RPL27A: variants seen among roughly 807,000 people sequenced by gnomAD.
The protein encoded by RPL27A is ribosomal protein L27a.
For synonymous variants in RPL27A, 69 were observed against 68.3 expected, an observed-to-expected ratio of 1.01 and a Z score of -0.05; for missense variants, 118 against 189.4, an observed-to-expected ratio of 0.62 and a Z score of 2.21.
intron 3 of RPL27A, 43 bp from the exon 4 acceptor site, chr11:8,684,675 C>G (rs762738782): frequency 3.9e-6 from 6 of 1,556,104 alleles, no homozygotes; most frequent in Non-Finnish European, 8.9e-7. Flanking sequence ...AACATAGCAT[C>G]TTAATTGGAG....
intron 1 of RPL27A, 122 bp downstream of exon 1, chr11:8,682,938 T>G (rs2039513697): frequency 7.5e-7 from 1 of 1,339,502 alleles, no homozygotes; most frequent in African/African-American, 1.5e-5. Context: ...CATGGCCGCC[T>G]GCGGGGCAGG....
At chr11:8,684,978 T>G in intron 4 of RPL27A, 86 bp downstream of exon 4, 2 of 1,256,908 alleles carry the variant, frequency 1.6e-6, no homozygotes, top group Non-Finnish European at 2.3e-6. Context: ...TAATCTGTAC[T>G]TCCCAGTTAC....
At chr11:8,684,684 A>G in intron 3 of RPL27A, 34 bp from the exon 4 acceptor site, 1 of 1,585,412 alleles carries the variant, frequency 6.3e-7, no homozygotes, top group Non-Finnish European at 8.7e-7. Flanking sequence ...TCTTAATTGG[A>G]GTGTGTATGA....
At position 8,686,602 on chromosome 11, in the gene RPL27A, C is replaced by T. The variant is rs1377552278; in HGVS notation, c.*796C>T. 1.3e-5 allele frequency: 2 copies of T among 152,144 alleles called. No individual in the cohort carries two copies. Among genetic ancestry groups the T allele is most frequent in the African/African-American group, 2.4e-5 (1 of 41,416 alleles). The allele number at this position is 152,144 out of a possible 1,614,324, so 9.4% of individuals were successfully genotyped here. A position where few individuals can be genotyped will look rare whatever the true frequency, so the allele number is the denominator to read the frequency against. The stretch of plus-strand genomic sequence containing the variant: ...TGAATCAAAATCTCGAGATGGGGGT[C>T]CAGCAATCTGAAATTTCAGTATGCC... On this transcript the variant is annotated 3_prime_UTR_variant, in exon 5 of 5. Transcript: ENST00000314138.
Position 8,684,788 on chromosome 11 carries a change from A to T in RPL27A, c.214A>T (p.Thr72Ser), listed in dbSNP as rs759741996. 3.7e-6 allele frequency: 6 copies of T among 1,613,914 alleles called. No individual in the cohort carries two copies. In the East Asian group the frequency reaches 1.1e-4, roughly 30 times the overall value. ...HLKRNQSFCP[T>S]VNLDKLWTLV... Reference sequence around the variant, plus strand: ...AAAGAGGAACCAGAGCTTCTGCCCAACTGTCAACCTTGACAAATTGTGGAC... The same window carrying T: ...AAAGAGGAACCAGAGCTTCTGCCCATCTGTCAACCTTGACAAATTGTGGAC... The change falls in exon 4 of 5, where the codon ACT (threonine) becomes TCT (serine). Residue 72 changes from threonine (T) to serine (S), a missense_variant. By Grantham distance (58) the Thr-to-Ser change is moderately conservative. Transcript: ENST00000314138.
In RPL27A at chr11:8,682,824, T is replaced by G; in HGVS notation, c.3+8T>G. ...GTCTGGGCTGCCAACATGGTAGGTG[T>G]TTCGTTTCTTGCCTCCTCTTCCTTG... On this transcript the variant is annotated splice_region_variant and intron_variant, in intron 1 of 4. Coordinates refer to ENST00000314138, the MANE Select transcript of RPL27A (RefSeq NM_000990.5). 6.2e-7 allele frequency: 1 copy of G among 1,611,732 alleles called. No individual in the cohort carries two copies. The highest frequency in any genetic ancestry group is 8.5e-7 in the Non-Finnish European group (1 of 1,178,898).
chr11:8,684,941 A>C (rs2039571725), intron 4 of RPL27A, 49 bp downstream of exon 4: 1 of 1,573,842 alleles, frequency 6.4e-7, no homozygotes, highest in South Asian at 1.1e-5. Context: ...CCCTTACAAA[A>C]CTCTGGCTTA....
rs370688270 is a variant in RPL27A at position 8,684,857 on chromosome 11, A to T, written c.283A>T (p.Thr95Ser). 1.2e-5 allele frequency: 19 copies of T among 1,613,996 alleles called. No homozygotes were observed. Among genetic ancestry groups the T allele is most frequent in the Non-Finnish European group, 1.6e-5 (19 of 1,179,988 alleles). ...QTRVNAAKNKTGAAPIIDVVR... is the reference protein window; with the variant it reads ...QTRVNAAKNKSGAAPIIDVVR... The stretch of plus-strand genomic sequence containing the variant: ...ACGGGTGAATGCTGCTAAAAACAAG[A>T]CTGGGGCTGCTCCCATCATTGATGT... Residue 95 changes from threonine to serine, a missense_variant, in exon 4 of 5, where the codon ACT becomes TCT. By Grantham distance (58) the Thr-to-Ser change is moderately conservative. Coordinates refer to ENST00000314138, the MANE Select transcript of RPL27A (RefSeq NM_000990.5).
At chr11:8,683,289 G>C in intron 2 of RPL27A, 24 bp downstream of exon 2, 2 of 1,610,750 alleles carry the variant, frequency 1.2e-6, no homozygotes, top group Non-Finnish European at 8.5e-7. Context: ...TCCCCTCGGG[G>C]TGGGCCTTGG....
In RPL27A at chr11:8,686,841, T is replaced by C. The variant is rs2039591561; in HGVS notation, c.*1035T>C. 1 of 152,224 alleles carries C rather than the reference T, an allele frequency of 6.6e-6. No homozygotes were observed. The highest frequency in any genetic ancestry group is 2.4e-5 in the African/African-American group (1 of 41,458). 9.4% of individuals were successfully genotyped at this position (152,224 alleles called of 1,614,324 possible). On this transcript the variant is annotated 3_prime_UTR_variant, in exon 5 of 5. Coordinates refer to ENST00000314138, the MANE Select transcript of RPL27A (RefSeq NM_000990.5). Reference sequence around the variant, plus strand: ...GGTAAATTATAATTTGCTACAGTTTTATGGTTCTTCCTGTGATTTTGAGCT... The same window carrying C: ...GGTAAATTATAATTTGCTACAGTTTCATGGTTCTTCCTGTGATTTTGAGCT...
At chr11:8,685,436 T>C (rs763587711) in intron 4 of RPL27A, 9 of 674,566 alleles carry the variant, frequency 1.3e-5, no homozygotes, top group Middle Eastern at 2.8e-4. Flanking sequence ...AGGCTTATGC[T>C]TTGCCGAGAC....
At chr11:8,685,051 G>C (rs1002378478) in intron 4 of RPL27A, 159 bp downstream of exon 4, 2 of 733,744 alleles carry the variant, frequency 2.7e-6, no homozygotes, top group Non-Finnish European at 4.6e-6. Context: ...ATCCGTAGCA[G>C]TGCCTACTGT....
chr11:8,684,970 A>G, intron 4 of RPL27A, 78 bp downstream of exon 4: 1 of 1,352,906 alleles, frequency 7.4e-7, no homozygotes, highest in Non-Finnish European at 1.1e-6. Context: ...CACTTATATA[A>G]TCTGTACTTC....
intron 3 of RPL27A, 140 bp downstream of exon 3, chr11:8,684,221 C>T: frequency 1.2e-6 from 1 of 801,458 alleles, no homozygotes; most frequent in Non-Finnish European, 2.2e-6. Context: ...GAACTGAGAA[C>T]CTGTCATCGA....
rs927734221 is a variant in RPL27A, at chr11:8,686,729, A to G, written c.*923A>G. 5.9e-5 allele frequency: 9 copies of G among 152,180 alleles called. No individual in the cohort carries two copies. The highest frequency in any genetic ancestry group is 1.4e-4 in the African/African-American group (6 of 41,430). The allele number at this position is 152,180 out of a possible 1,614,324, so 9.4% of individuals were successfully genotyped here. A position where few individuals can be genotyped will look rare whatever the true frequency, so the allele number is the denominator to read the frequency against. On this transcript the variant is annotated 3_prime_UTR_variant, in exon 5 of 5. Transcript: ENST00000314138. ...GAAATCCTGAAGGCTGGAAATTGAA[A>G]TAAGTTTTTCTAGGATTTGTGTCTC...
chr11:8,683,034 C>T, intron 1 of RPL27A, 168 bp from the exon 2 acceptor site: 1 of 853,288 alleles, frequency 1.2e-6, no homozygotes, highest in Non-Finnish European at 1.8e-6. Context: ...GGCCCCTGCG[C>T]TACCGTGGTG....
In RPL27A at chr11:8,688,041, G is replaced by C. The variant is rs1170875595; in HGVS notation, c.*2235G>C. 6.6e-6 allele frequency: 1 copy of C among 152,252 alleles called. No individual in the cohort carries two copies. Among genetic ancestry groups the C allele is most frequent in the Non-Finnish European group, 1.5e-5 (1 of 68,102 alleles). 9.4% of individuals were successfully genotyped at this position (152,252 alleles called of 1,614,324 possible). ...AATTGGTCCAAGCAGAGGGAATACTGGTTCAGGAAACTGGTTTGGGAAGGT... is the reference window on the plus strand; with the variant it reads ...AATTGGTCCAAGCAGAGGGAATACTCGTTCAGGAAACTGGTTTGGGAAGGT... On this transcript the variant is annotated 3_prime_UTR_variant, in exon 5 of 5. Transcript: ENST00000314138.
intron 3 of RPL27A, 60 bp from the exon 4 acceptor site, chr11:8,684,658 G>GATGATAAAC (rs2133616953): frequency 6.9e-7 from 1 of 1,452,862 alleles, no homozygotes; most frequent in Admixed American, 1.7e-5. Flanking sequence ...TAACTATAAA[G>GATGATAAAC]ATGATAAACA....
At chr11:8,685,435 C>T (rs965009240) in intron 4 of RPL27A, 2 of 672,330 alleles carry the variant, frequency 3.0e-6, no homozygotes, top group South Asian at 1.4e-5. Flanking sequence ...GAGGCTTATG[C>T]TTTGCCGAGA....
Sources: allele counts gnomAD v4.1 joint callset, GRCh38; gene constraint gnomAD v4.1.1; transcripts MANE v1.5; gene names NCBI Gene and HGNC (gene_info 2026-07-23, HGNC 2026-07-21).